ABTB3: variants seen among roughly 807,000 people sequenced by gnomAD.
ABTB3 encodes ankyrin repeat and BTB domain containing 3, also known as ankyrin repeat- and BTB/POZ domain-containing protein 3.
chr12:107,581,055 G>T, the ABTB3 span: 1 of 1,542,802 alleles, frequency 6.5e-7, no homozygotes, highest in Non-Finnish European at 8.7e-7. Flanking sequence ...GTCGGGAGAT[G>T]GGGGGATCCC....
At chr12:107,596,257 G>A in the ABTB3 span, among the ~76,000 whole-genome samples, 1 of 152,218 alleles carries the variant, frequency 6.6e-6, no homozygotes, top group African/African-American at 2.4e-5. Flanking sequence ...GGAAACACAC[G>A]GGTGGATTCA....
At chr12:107,335,046 G>A in the ABTB3 span, among the ~76,000 whole-genome samples, 1 of 152,050 alleles carries the variant, frequency 6.6e-6, no homozygotes, top group South Asian at 2.1e-4. Context: ...AGTGCTTTGG[G>A]AGTCCAAGGT....
At chr12:107,319,187 G>A in the ABTB3 span, 1 of 1,595,976 alleles carries the variant, frequency 6.3e-7, no homozygotes, top group Admixed American at 1.7e-5. Flanking sequence ...GCTGGACTGC[G>A]CCGGCCAGCA....
the ABTB3 span, among the ~76,000 whole-genome samples, chr12:107,469,688 T>C: frequency 6.6e-6 from 1 of 152,106 alleles, no homozygotes; most frequent in Non-Finnish European, 1.5e-5. Context: ...ATTTGACTGG[T>C]TAATATAAGG....
the ABTB3 span, among the ~76,000 whole-genome samples, chr12:107,352,996 G>A: frequency 6.6e-6 from 1 of 152,170 alleles, no homozygotes; most frequent in Non-Finnish European, 1.5e-5. Flanking sequence ...GCTACCAAAA[G>A]AGCCAGAGTT....
chr12:107,490,053 G>A, the ABTB3 span, among the ~76,000 whole-genome samples: 2 of 152,102 alleles, frequency 1.3e-5, no homozygotes, highest in African/African-American at 4.8e-5. Context: ...GGGAATAATA[G>A]GCCCATTACA....
the ABTB3 span, among the ~76,000 whole-genome samples, chr12:107,556,969 G>C: frequency 6.6e-6 from 1 of 151,916 alleles, no homozygotes; most frequent in African/African-American, 2.4e-5. Context: ...CTGAGATCGC[G>C]CCATTGCACT....
the ABTB3 span, among the ~76,000 whole-genome samples, chr12:107,568,756 T>C: frequency 6.6e-6 from 1 of 152,182 alleles, no homozygotes; most frequent in Admixed American, 6.5e-5. Flanking sequence ...TCTCTCAAAA[T>C]ATGGTACTAT....
At chr12:107,526,672 TC>T in the ABTB3 span, among the ~76,000 whole-genome samples, 1 of 152,202 alleles carries the variant, frequency 6.6e-6, no homozygotes, top group Non-Finnish European at 1.5e-5. Flanking sequence ...AAATGTCTCT[TC>T]CTGTTGTCTT....
At chr12:107,635,851 C>A in the ABTB3 span, among the ~76,000 whole-genome samples, 2 of 1,214 alleles carry the variant, frequency 1.6e-3, no homozygotes, top group African/African-American at 4.6e-3. Context: ...GGAGGAACAA[C>A]CCCCCCCCCC....
chr12:107,482,012 T>G, the ABTB3 span, among the ~76,000 whole-genome samples: 2 of 151,406 alleles, frequency 1.3e-5, no homozygotes, highest in Admixed American at 6.6e-5. Context: ...CCAGCCCCTG[T>G]TGTTTCGAGG....
At chr12:107,398,065 TTC>T in the ABTB3 span, among the ~76,000 whole-genome samples, 6 of 152,188 alleles carry the variant, frequency 3.9e-5, no homozygotes, top group African/African-American at 1.4e-4. Context: ...AGGCCCTTCA[TTC>T]CTCTGCTCTG....
At chr12:107,396,263 T>C in the ABTB3 span, among the ~76,000 whole-genome samples, 2 of 152,246 alleles carry the variant, frequency 1.3e-5, no homozygotes, top group Admixed American at 6.5e-5. Context: ...TTGAGAACAA[T>C]GCCTGCCACT....
At chr12:107,640,611 G>A in the ABTB3 span, among the ~76,000 whole-genome samples, 2 of 152,196 alleles carry the variant, frequency 1.3e-5, no homozygotes, top group Non-Finnish European at 2.9e-5. Context: ...ACATAAAGGG[G>A]CCAGGGGGGC....
chr12:107,331,834 G>A, the ABTB3 span, among the ~76,000 whole-genome samples: 1 of 152,202 alleles, frequency 6.6e-6, no homozygotes, highest in East Asian at 1.9e-4. Context: ...CAGATGATAG[G>A]CCTCTGGTTC....
the ABTB3 span, among the ~76,000 whole-genome samples, chr12:107,395,719 G>A: frequency 1.6e-4 from 25 of 152,216 alleles, no homozygotes; most frequent in Non-Finnish European, 3.4e-4. Context: ...CCCAGTGGGG[G>A]CCAGCTCTGG....
At chr12:107,434,580 G>C in the ABTB3 span, among the ~76,000 whole-genome samples, 84 of 152,258 alleles carry the variant, frequency 5.5e-4, no homozygotes, top group East Asian at 9.3e-3. Flanking sequence ...ATAAAGGCTG[G>C]GCTGAGCGCA....
chr12:107,577,343 G>A, the ABTB3 span, among the ~76,000 whole-genome samples: 6 of 152,132 alleles, frequency 3.9e-5, no homozygotes, highest in Admixed American at 2.0e-4. Flanking sequence ...AGTGAGTTAC[G>A]GGCAGATCCA....
At chr12:107,643,112 C>T in the ABTB3 span, among the ~76,000 whole-genome samples, 1 of 152,168 alleles carries the variant, frequency 6.6e-6, no homozygotes, top group South Asian at 2.1e-4. Flanking sequence ...TGTGGGTGAC[C>T]TGGGGATAGA....
Sources: allele counts gnomAD v4.1 joint callset (sites outside exome capture counted in the v4.1 genomes callset), GRCh38; gene constraint gnomAD v4.1.1; transcripts MANE v1.5; gene names NCBI Gene and HGNC (gene_info 2026-07-23, HGNC 2026-07-21).